Variants in PPP1R2 observed in about 807,000 individuals in gnomAD.
PPP1R2 encodes the protein protein phosphatase inhibitor 2.
In PPP1R2, 16 loss-of-function variants were observed where a neutral mutation model predicts 29.9. That is an observed-to-expected ratio of 0.53 (90% CI 0.36 to 0.81). The LOEUF (loss-of-function observed/expected upper bound fraction) is 0.81, where lower values mean the gene tolerates loss of function less well. PPP1R2 is among the 30% of genes least tolerant of loss of function. The pLI is 0.00. For synonymous variants in PPP1R2, 76 were observed against 91.5 expected, an observed-to-expected ratio of 0.83 and a Z score of 0.96; for missense variants, 197 against 252.7, an observed-to-expected ratio of 0.78 and a Z score of 1.49.
At chr3:195,533,235 C>G (rs1046487979) in intron 1 of PPP1R2, among the ~76,000 whole-genome samples, 1 of 151,892 alleles carries the variant, frequency 6.6e-6, no homozygotes, top group Non-Finnish European at 1.5e-5. Context: ...GTCCTAGCTA[C>G]TCAGGAGGCT....
At chr3:195,539,310 G>A (rs1283599360) in intron 1 of PPP1R2, among the ~76,000 whole-genome samples, 2 of 152,180 alleles carry the variant, frequency 1.3e-5, no homozygotes, top group Non-Finnish European at 2.9e-5. Context: ...GTGGTGCAAT[G>A]TACTGAGATT....
At chr3:195,537,481 T>TTTTTTTTGTGTGTGTGTGTG (rs150119072) in intron 1 of PPP1R2, among the ~76,000 whole-genome samples, 12 of 128,516 alleles carry the variant, frequency 9.3e-5, no homozygotes, top group African/African-American at 3.0e-4. Flanking sequence ...GGATTAGCTA[T>TTTTTTTTGTGTGTGTGTGTG]TGTGTGTGTG....
At chr3:195,532,384 A>C (rs968896151) in intron 1 of PPP1R2, among the ~76,000 whole-genome samples, 1 of 151,940 alleles carries the variant, frequency 6.6e-6, no homozygotes. Flanking sequence ...GTATTTGAAA[A>C]AAGTCACCTG....
At chr3:195,533,377 A>C (rs954666541) in intron 1 of PPP1R2, among the ~76,000 whole-genome samples, 2 of 150,902 alleles carry the variant, frequency 1.3e-5, no homozygotes, top group Non-Finnish European at 3.0e-5. Flanking sequence ...CTATGATGCT[A>C]GTTGTTTCAG....
At chr3:195,540,913 A>G (rs1220251282) in intron 1 of PPP1R2, among the ~76,000 whole-genome samples, 3 of 152,238 alleles carry the variant, frequency 2.0e-5, no homozygotes, top group Non-Finnish European at 4.4e-5. Context: ...ACTATATTGT[A>G]TTACTAGTAG....
At chr3:195,537,481 T>TGTGTGTGTGTGTGTGTGTGTGTG (rs1719435207) in intron 1 of PPP1R2, among the ~76,000 whole-genome samples, 1 of 128,516 alleles carries the variant, frequency 7.8e-6, no homozygotes, top group Non-Finnish European at 1.6e-5. Context: ...GGATTAGCTA[T>TGTGTGTGTGTGTGTGTGTGTGTG]TGTGTGTGTG....
rs750360647 is a variant in PPP1R2 at position 195,543,069 on chromosome 3, G to T, written c.-44C>A. ...TCGGCTCAGGGTCGCTGCTTGGCGT[G>T]GGGTCCGCGAAGAGAAGGGTCGGCA... On this transcript the variant is annotated 5_prime_UTR_variant, in exon 1 of 6. Transcript: ENST00000618156. 1.3e-5 allele frequency: 20 copies of T among 1,575,524 alleles called. No homozygotes were observed. In the East Asian group the frequency reaches 3.5e-4, roughly 28 times the overall value.
In PPP1R2 at chr3:195,519,178, C is replaced by CT; in HGVS notation, c.410dup (p.Arg138AlafsTer4). 1 of 1,597,352 alleles carries CT rather than the reference C, an allele frequency of 6.3e-7. No individual in the cohort carries two copies. The stretch of plus-strand genomic sequence containing the variant: ...GCTTCCTTTTCATTTCAAATTGTCG[C>CT]TTTTTTTCTATAAGATGCAAAATGT... On this transcript the variant is annotated frameshift_variant, in exon 5 of 6. Coordinates refer to ENST00000618156, the MANE Select transcript of PPP1R2 (RefSeq NM_006241.8). LOFTEE classifies it high-confidence loss of function.
chr3:195,533,523 A>C (rs917465096), intron 1 of PPP1R2, among the ~76,000 whole-genome samples: 1 of 152,208 alleles, frequency 6.6e-6, no homozygotes, highest in Non-Finnish European at 1.5e-5. Context: ...ACAAAATGCC[A>C]CTAGAGATGC....
intron 1 of PPP1R2, among the ~76,000 whole-genome samples, chr3:195,539,707 C>T (rs1485541181): frequency 6.6e-6 from 1 of 152,000 alleles, no homozygotes; most frequent in East Asian, 1.9e-4. Flanking sequence ...AAGACGTAAG[C>T]ACTAATGCAA....
intron 1 of PPP1R2, among the ~76,000 whole-genome samples, chr3:195,532,060 G>A (rs1390456415): frequency 6.6e-6 from 1 of 151,934 alleles, no homozygotes; most frequent in African/African-American, 2.4e-5. Flanking sequence ...AAGAGACTGG[G>A]TCTCTGTCAC....
intron 1 of PPP1R2, among the ~76,000 whole-genome samples, chr3:195,542,250 T>C (rs970328032): frequency 6.6e-6 from 1 of 152,206 alleles, no homozygotes; most frequent in Non-Finnish European, 1.5e-5. Context: ...TTTCCAATTA[T>C]ATTATAAATA....
At chr3:195,530,544 G>A (rs544282208) in intron 1 of PPP1R2, among the ~76,000 whole-genome samples, 1 of 152,160 alleles carries the variant, frequency 6.6e-6, no homozygotes, top group Non-Finnish European at 1.5e-5. Flanking sequence ...GTTTTGTTTT[G>A]AGACGGAGTC....
At chr3:195,519,258 T>C in intron 4 of PPP1R2, 73 bp from the exon 5 acceptor site, 2 of 1,150,864 alleles carry the variant, frequency 1.7e-6, no homozygotes, top group East Asian at 2.4e-5. Context: ...ATAAATAAAA[T>C]TTTATTGAAA....
In PPP1R2 at chr3:195,515,106, C is replaced by G. The variant is rs1718497819; in HGVS notation, c.*1790G>C. 1 of 232,664 alleles carries G rather than the reference C, an allele frequency of 4.3e-6. No individual in the cohort carries two copies. Among genetic ancestry groups the G allele is most frequent in the Non-Finnish European group, 9.2e-6 (1 of 108,398 alleles). 14.4% of individuals were successfully genotyped at this position (232,664 alleles called of 1,614,324 possible). On this transcript the variant is annotated 3_prime_UTR_variant, in exon 6 of 6. Transcript: ENST00000618156. ...ATGAATATATGTGCACGCACATGTA[C>G]AGACTTAATCTCTACATCCCCCAAG...
intron 1 of PPP1R2, among the ~76,000 whole-genome samples, chr3:195,536,481 C>T (rs1719389574): frequency 6.6e-6 from 1 of 151,800 alleles, no homozygotes; most frequent in Admixed American, 6.6e-5. Flanking sequence ...TTTGGGGGTG[C>T]CTGTTAATCT....
chr3:195,532,215 C>CTTTTTTTTTTTTTT lies in PPP1R2; in HGVS notation c.123-2328_123-2315dup, dbSNP rs146508182. Among the ~76,000 whole-genome samples, 21 of 120,130 alleles carry CTTTTTTTTTTTTTT rather than the reference C, an allele frequency of 1.7e-4. 2 individuals carry two copies. Among genetic ancestry groups the CTTTTTTTTTTTTTT allele is most frequent in the East Asian group, 5.0e-4 (2 of 4,040 alleles). 78.8% of individuals were successfully genotyped at this position (120,130 alleles called of 152,430 possible). A position where few individuals can be genotyped will look rare whatever the true frequency, so the allele number is the denominator to read the frequency against. On this transcript the variant is annotated intron_variant, in intron 1 of 5. Transcript: ENST00000618156. ...CCAGCTAATTTTTCTTTTTCTTTTT[C>CTTTTTTTTTTTTTT]TTTTTTTTTTTTTTTTTTTACAGGT...
intron 1 of PPP1R2, among the ~76,000 whole-genome samples, chr3:195,530,661 G>A (rs1348324658): frequency 6.6e-6 from 1 of 152,066 alleles, no homozygotes; most frequent in Non-Finnish European, 1.5e-5. Flanking sequence ...GAGTAGCTGG[G>A]ATGACAGGCG....
intron 5 of PPP1R2, among the ~76,000 whole-genome samples, chr3:195,518,256 CA>C: frequency 6.6e-6 from 1 of 152,118 alleles, no homozygotes; most frequent in South Asian, 2.1e-4. Context: ...AAAACAAAAA[CA>C]GTTAAATAAC....
Sources: allele counts gnomAD v4.1 joint callset (sites outside exome capture counted in the v4.1 genomes callset), GRCh38; gene constraint gnomAD v4.1.1; transcripts MANE v1.5; gene names NCBI Gene and HGNC (gene_info 2026-07-23, HGNC 2026-07-21).